The following MCC variants were observed in gnomAD, a reference collection of about 807,000 sequenced individuals.
MCC encodes the protein colorectal mutant cancer protein.
Under a neutral mutation model 116.2 loss-of-function variants are expected in MCC, and 90 were observed. The ratio of observed to expected loss-of-function variants is 0.77; its 90% confidence interval spans 0.65 to 0.92. The LOEUF is 0.92. Ranked by LOEUF, MCC falls within the 40% of genes least tolerant of loss-of-function variation. The pLI is 0.00. For synonymous variants in MCC, 578 were observed against 510.5 expected, an observed-to-expected ratio of 1.13 and a Z score of -1.78; for missense variants, 1,516 against 1,312.2, an observed-to-expected ratio of 1.16 and a Z score of -2.40.
chr5:113,348,080 G>A (rs1335913306), intron 2 of MCC, among the ~76,000 whole-genome samples: 2 of 151,988 alleles, frequency 1.3e-5, no homozygotes, highest in Non-Finnish European at 2.9e-5. Flanking sequence ...TATTATTAGA[G>A]CTAAAGAGAG....
chr5:113,302,842 G>C (rs144793417), intron 3 of MCC, among the ~76,000 whole-genome samples: 1 of 152,298 alleles, frequency 6.6e-6, no homozygotes, highest in East Asian at 1.9e-4. Context: ...TAAAAACTGG[G>C]TTGAAGTGCC....
intron 3 of MCC, among the ~76,000 whole-genome samples, chr5:113,288,147 C>A (rs936487657): frequency 6.6e-6 from 1 of 152,248 alleles, no homozygotes; most frequent in Admixed American, 6.5e-5. Context: ...TCTGCAAGAC[C>A]TGGCTGTCAG....
chr5:113,478,825 A>G (rs1486867091), intron 1 of MCC, among the ~76,000 whole-genome samples: 2 of 152,178 alleles, frequency 1.3e-5, no homozygotes, highest in African/African-American at 4.8e-5. Context: ...AGTCCTTCTT[A>G]TCATTATGGC....
intron 14 of MCC, among the ~76,000 whole-genome samples, chr5:113,062,523 T>C (rs1042528139): frequency 3.3e-5 from 5 of 152,214 alleles, no homozygotes; most frequent in African/African-American, 1.2e-4. Context: ...CAAACTCTTA[T>C]GTTCACTAAT....
At chr5:113,208,528 C>T (rs768308475) in intron 3 of MCC, among the ~76,000 whole-genome samples, 1 of 152,024 alleles carries the variant, frequency 6.6e-6, no homozygotes, top group Non-Finnish European at 1.5e-5. Context: ...CTTTCTTTCT[C>T]AAAGAACTAG....
intron 3 of MCC, among the ~76,000 whole-genome samples, chr5:113,258,761 C>G (rs1277089473): frequency 2.0e-5 from 3 of 152,206 alleles, no homozygotes; most frequent in Admixed American, 2.0e-4. Flanking sequence ...TTATGCTTTA[C>G]ACCTACCCTA....
chr5:113,418,689 T>TATCATCATCATC (rs58461374), intron 1 of MCC, among the ~76,000 whole-genome samples: 1 of 131,140 alleles, frequency 7.6e-6, no homozygotes, highest in Non-Finnish European at 1.6e-5. Flanking sequence ...TCATCATTAT[T>TATCATCATCATC]ATCATCATCA....
intron 3 of MCC, among the ~76,000 whole-genome samples, chr5:113,160,402 T>G (rs1397069221): frequency 6.6e-6 from 1 of 152,258 alleles, no homozygotes; most frequent in Non-Finnish European, 1.5e-5. Flanking sequence ...TGTGCTAGAT[T>G]GCTATACTCA....
chr5:113,321,451 A>G (rs1033560386), intron 3 of MCC, among the ~76,000 whole-genome samples: 4 of 152,338 alleles, frequency 2.6e-5, no homozygotes, highest in South Asian at 4.1e-4. Context: ...TCTAAGTCAG[A>G]GCTCGGCCTT....
intron 17 of MCC, among the ~76,000 whole-genome samples, chr5:113,030,606 G>A (rs1425662866): frequency 1.3e-5 from 2 of 152,174 alleles, no homozygotes; most frequent in Admixed American, 1.3e-4. Context: ...CTTGAGTCCA[G>A]GAGGTCAAGA....
chr5:113,084,215 T>TTTTAATCTTAAAAAAGCAATCTTAAAAA, intron 9 of MCC, 25 bp from the exon 10 acceptor site: 1 of 1,566,466 alleles, frequency 6.4e-7, no homozygotes, highest in Non-Finnish European at 8.8e-7. Context: ...CAAAACATTA[T>TTTTAATCTTAAAAAAGCAATCTTAAAAA]AGAAAACTAC....
chr5:113,211,296 G>T (rs1320367752), intron 3 of MCC, among the ~76,000 whole-genome samples: 1 of 152,158 alleles, frequency 6.6e-6, no homozygotes, highest in South Asian at 2.1e-4. Flanking sequence ...ATTTGCTCTC[G>T]CCTTGATCTT....
chr5:113,205,399 G>C (rs1275747683), intron 3 of MCC, among the ~76,000 whole-genome samples: 2 of 152,226 alleles, frequency 1.3e-5, no homozygotes, highest in Non-Finnish European at 2.9e-5. Flanking sequence ...TGGAATGTGG[G>C]CTTGTATCAT....
chr5:113,057,630 C>G (rs4235785), intron 14 of MCC, among the ~76,000 whole-genome samples: 148,969 of 152,332 alleles, frequency 0.98, 72,849 homozygotes, highest in East Asian at 1. Context: ...GCACTGAGGA[C>G]CCCGGCTGTG....
intron 3 of MCC, among the ~76,000 whole-genome samples, chr5:113,187,275 A>T (rs964831501): frequency 2.6e-5 from 4 of 151,946 alleles, no homozygotes; most frequent in African/African-American, 4.8e-5. Flanking sequence ...TGCCCAGCTC[A>T]TTTTTGCATT....
At chr5:113,038,512 G>A (rs771229990) in intron 17 of MCC, among the ~76,000 whole-genome samples, 2 of 152,104 alleles carry the variant, frequency 1.3e-5, no homozygotes, top group Non-Finnish European at 2.9e-5. Flanking sequence ...AAGTGGGAGA[G>A]GGTGTCATTT....
At position 113,485,630 on chromosome 5, in the gene MCC, G is replaced by A. The variant is rs118031910; in HGVS notation, c.170+2615C>T. 1.1e-3 allele frequency among the ~76,000 whole-genome samples: 162 copies of A among 152,318 alleles called. 2 individuals carry two copies. The East Asian group carries it at 0.015, about 15-fold the overall frequency. ...CACCTTTGGACTATGAGATAACCAT[G>A]AGGATGAATGCTTTATGTGAAAAAT... On this transcript the variant is annotated intron_variant, in intron 1 of 18. Transcript: ENST00000408903.
In MCC at chr5:113,104,244, T is replaced by C. The variant is rs6594681; in HGVS notation, c.1139A>G (p.Lys380Arg). Residue 380 changes from lysine (K) to arginine (R), a missense_variant, in exon 7 of 19, where the codon AAG (lysine) becomes AGG (arginine). Transcript: ENST00000408903. ...SCSLSVAEVDKHIEQLTTASE... is the reference protein window; with the variant it reads ...SCSLSVAEVDRHIEQLTTASE... The stretch of plus-strand genomic sequence containing the variant: ...GGCTGTGGTGAGCTGCTCAATGTGC[T>C]TGTCCACCTCGGCCACGGAGAGGCT... 1,612,269 of 1,614,100 alleles carry C rather than the reference T, an allele frequency of 1. 805,247 individuals are homozygous for C. Among genetic ancestry groups the C allele is most frequent in the Middle Eastern group, 1 (6,000 of 6,000 alleles).
At chr5:113,408,057 T>A (rs1015667824) in intron 1 of MCC, among the ~76,000 whole-genome samples, 16 of 152,170 alleles carry the variant, frequency 1.1e-4, no homozygotes, top group African/African-American at 3.9e-4. Flanking sequence ...GGGAGATACA[T>A]TAACACAATC....
Sources: allele counts gnomAD v4.1 joint callset (sites outside exome capture counted in the v4.1 genomes callset), GRCh38; gene constraint gnomAD v4.1.1; transcripts MANE v1.5; gene names NCBI Gene and HGNC (gene_info 2026-07-23, HGNC 2026-07-21).